The following CYP19A1 variants were observed in gnomAD, a reference collection of about 807,000 sequenced individuals.
The protein encoded by CYP19A1 is aromatase.
In CYP19A1, 32 loss-of-function variants were observed where a neutral mutation model predicts 44.4. That is an observed-to-expected ratio of 0.72 (90% confidence interval 0.54 to 0.97). CYP19A1 has a LOEUF of 0.97. Among genes scored for constraint, CYP19A1 ranks in the 50% least tolerant of loss-of-function variants. CYP19A1 has a pLI of 0.00. For missense variants in CYP19A1, 598 were observed against 637.8 expected, an observed-to-expected ratio of 0.94 and a Z score of 0.67; for synonymous variants, 212 against 215.6, an observed-to-expected ratio of 0.98 and a Z score of 0.14.
chr15:51,307,589 C>T (rs1457035594), intron 1 of CYP19A1, among the ~76,000 whole-genome samples: 1 of 152,134 alleles, frequency 6.6e-6, no homozygotes, highest in East Asian at 1.9e-4. Context: ...TAAAGATGCT[C>T]TTTGGGTGCA....
At position 51,218,662 on chromosome 15, in the gene CYP19A1, G is replaced by GA. The variant is rs750758078; in HGVS notation, c.629-8dup. Reference sequence around the variant, plus strand: ...TTAACCACGATAGCACTTTCTGTAGGAAAAAAAAACACACATACACAAGAA... The same window carrying GA: ...TTAACCACGATAGCACTTTCTGTAGGAAAAAAAAAACACACATACACAAGAA... On this transcript the variant is annotated splice_polypyrimidine_tract_variant and splice_region_variant and intron_variant, in intron 5 of 9. Transcript: ENST00000396402. 1.9e-4 allele frequency: 299 copies of GA among 1,599,454 alleles called. No individual in the cohort carries two copies. The highest frequency in any genetic ancestry group is 1.3e-3 in the South Asian group (114 of 89,736).
intron 1 of CYP19A1, among the ~76,000 whole-genome samples, chr15:51,296,714 T>C (rs1173375676): frequency 1.3e-5 from 2 of 152,204 alleles, no homozygotes; most frequent in East Asian, 3.8e-4. Context: ...TTGAGTTTTT[T>C]CCCTCAATGT....
At chr15:51,270,202 C>T (rs556242124) in intron 1 of CYP19A1, among the ~76,000 whole-genome samples, 2 of 148,906 alleles carry the variant, frequency 1.3e-5, no homozygotes, top group Non-Finnish European at 3.0e-5. Flanking sequence ...TTTGGTACTA[C>T]TGTGTTGAAA....
intron 1 of CYP19A1, among the ~76,000 whole-genome samples, chr15:51,282,291 T>C (rs1373677354): frequency 6.6e-6 from 1 of 152,254 alleles, no homozygotes; most frequent in Non-Finnish European, 1.5e-5. Flanking sequence ...AGGGCTTGCA[T>C]GTCTGACATA....
chr15:51,235,426 C>G (rs1476226316), intron 3 of CYP19A1, among the ~76,000 whole-genome samples: 1 of 152,146 alleles, frequency 6.6e-6, no homozygotes, highest in Non-Finnish European at 1.5e-5. Flanking sequence ...TGAAGGACCA[C>G]ACTTTGAAAA....
chr15:51,336,528 G>T (rs561269278), intron 1 of CYP19A1, among the ~76,000 whole-genome samples: 184 of 152,220 alleles, frequency 1.2e-3, no homozygotes, highest in East Asian at 2.3e-3. Context: ...GGGTGGTGGG[G>T]CAGTAAAACC....
At chr15:51,229,134 A>T (rs2032823682) in intron 3 of CYP19A1, among the ~76,000 whole-genome samples, 1 of 152,212 alleles carries the variant, frequency 6.6e-6, no homozygotes, top group South Asian at 2.1e-4. Flanking sequence ...CAGCTCTCAC[A>T]TCTGCGATGT....
At chr15:51,335,943 A>G (rs2036768542) in intron 1 of CYP19A1, among the ~76,000 whole-genome samples, 1 of 152,184 alleles carries the variant, frequency 6.6e-6, no homozygotes, top group African/African-American at 2.4e-5. Flanking sequence ...CGGTTCCTCA[A>G]ATAAGCCATG....
intron 1 of CYP19A1, among the ~76,000 whole-genome samples, chr15:51,333,890 G>A (rs2036738634): frequency 6.6e-6 from 1 of 152,168 alleles, no homozygotes; most frequent in African/African-American, 2.4e-5. Context: ...AGGAATGAAA[G>A]GTCTTAGGCT....
chr15:51,305,249 A>G (rs1266935370), intron 1 of CYP19A1, among the ~76,000 whole-genome samples: 3 of 152,074 alleles, frequency 2.0e-5, no homozygotes, highest in Admixed American at 6.5e-5. Context: ...TCAATTCTTC[A>G]CTGCATTAAG....
rs1356666512 is a variant in CYP19A1 at position 51,223,593 on chromosome 15, T to TCTCTCTCACACACACACACACA, written c.452-1069_452-1068insTGTGTGTGTGTGTGTGAGAGAG. Among the ~76,000 whole-genome samples the TCTCTCTCACACACACACACACA allele has an allele frequency of 2.4e-3, 220 of 90,192 alleles. 2 individuals are homozygous for TCTCTCTCACACACACACACACA. The highest frequency in any genetic ancestry group is 4.2e-3 in the Non-Finnish European group (191 of 45,470). The allele number at this position is 90,192 out of a possible 152,430, so 59.2% of individuals were successfully genotyped here. ...CTTGCTCTCTCTCTCTCTCTCTCTC[T>TCTCTCTCACACACACACACACA]CACACACACACACACACACACACAC... On this transcript the variant is annotated intron_variant, in intron 4 of 9. Coordinates refer to ENST00000396402, the MANE Select transcript of CYP19A1 (RefSeq NM_000103.4).
chr15:51,330,212 C>T (rs1366377545), intron 1 of CYP19A1, among the ~76,000 whole-genome samples: 1 of 152,038 alleles, frequency 6.6e-6, no homozygotes, highest in Non-Finnish European at 1.5e-5. Flanking sequence ...TGTGTATGAA[C>T]ATATCACATG....
chr15:51,313,046 T>A (rs185638862), intron 1 of CYP19A1: 4 of 152,384 alleles, frequency 2.6e-5, no homozygotes, highest in African/African-American at 9.6e-5. Flanking sequence ...TGCCCTGGTG[T>A]GCTGGAGGTC....
At chr15:51,285,136 C>G (rs922867581) in intron 1 of CYP19A1, among the ~76,000 whole-genome samples, 1 of 152,180 alleles carries the variant, frequency 6.6e-6, no homozygotes, top group African/African-American at 2.4e-5. Context: ...AGATGCTTAA[C>G]GGACCAATGC....
chr15:51,243,071 A>G, intron 1 of CYP19A1, 121 bp from the exon 2 acceptor site: 1 of 712,794 alleles, frequency 1.4e-6, no homozygotes, highest in Non-Finnish European at 2.6e-6. Flanking sequence ...ATGTGATCAG[A>G]CATTTAGGCA....
At chr15:51,223,731 C>T (rs1290653688) in intron 4 of CYP19A1, among the ~76,000 whole-genome samples, 1 of 151,960 alleles carries the variant, frequency 6.6e-6, no homozygotes, top group Non-Finnish European at 1.5e-5. Context: ...GATTTCCATA[C>T]ATCTTGGAAG....
intron 1 of CYP19A1, among the ~76,000 whole-genome samples, chr15:51,331,562 A>G (rs990553560): frequency 6.6e-6 from 1 of 152,026 alleles, no homozygotes; most frequent in African/African-American, 2.4e-5. Flanking sequence ...GCAAGAGCAT[A>G]TGTATTTGTA....
intron 1 of CYP19A1, among the ~76,000 whole-genome samples, chr15:51,325,085 G>T (rs758450194): frequency 1.3e-5 from 2 of 152,164 alleles, no homozygotes; most frequent in Non-Finnish European, 2.9e-5. Context: ...AGGGCACACG[G>T]TTATGTGCCT....
At chr15:51,276,647 T>A (rs192334065) in intron 1 of CYP19A1, among the ~76,000 whole-genome samples, 2 of 152,340 alleles carry the variant, frequency 1.3e-5, no homozygotes, top group African/African-American at 4.8e-5. Context: ...GACAAACCTA[T>A]ATGCTTCTCT....
Sources: allele counts gnomAD v4.1 joint callset (sites outside exome capture counted in the v4.1 genomes callset), GRCh38; gene constraint gnomAD v4.1.1; transcripts MANE v1.5; gene names NCBI Gene and HGNC (gene_info 2026-07-23, HGNC 2026-07-21).